The following TNFRSF21 variants were observed in gnomAD, a reference collection of about 807,000 sequenced individuals.
TNFRSF21 encodes the protein TNF receptor superfamily member 21, also known as tumor necrosis factor receptor superfamily member 21.
A neutral mutation model predicts 45.6 loss-of-function variants in TNFRSF21; 19 were observed. The ratio of observed to expected loss-of-function variants is 0.42; its 90% confidence interval spans 0.29 to 0.61. The LOEUF (loss-of-function observed/expected upper bound fraction) is 0.61. Among genes scored for constraint, TNFRSF21 ranks in the 20% least tolerant of loss-of-function variants. TNFRSF21 has a pLI of 0.23. For synonymous variants in TNFRSF21, 314 were observed against 335.5 expected (o/e 0.94, Z 0.70); for missense variants, 737 against 851.5 (o/e 0.87, Z 1.67).
At chr6:47,273,487 A>ATAAGTGTATTATTTTGTATCTCAAAT (rs1762456255) in intron 3 of TNFRSF21, among the ~76,000 whole-genome samples, 2 of 152,164 alleles carry the variant, frequency 1.3e-5, no homozygotes, top group African/African-American at 4.8e-5. Flanking sequence ...AATCTCAATA[A>ATAAGTGTATTATTTTGTATCTCAAAT]ACTAGGTATT....
intron 3 of TNFRSF21, among the ~76,000 whole-genome samples, chr6:47,276,099 T>C (rs1460281915): frequency 6.6e-6 from 1 of 152,200 alleles, no homozygotes; most frequent in Non-Finnish European, 1.5e-5. Context: ...CCTGAGATCA[T>C]CCAGCCTTTT....
chr6:47,234,770 G>C lies in TNFRSF21; in HGVS notation c.1638C>G (p.Asn546Lys), dbSNP rs1554148878. The change falls in exon 5 of 6, where the codon AAC becomes AAG. Residue 546 changes from asparagine to lysine, a missense_variant. By Grantham distance (94) the Asn-to-Lys change is moderately conservative. Transcript: ENST00000296861. ...CCGACTCATCCACGAAGAAGCCCTT[G>C]TTCTTGTCCTGTGGGGAAGGCTCCA... ...LTVEPSPQDK[N>K]KGFFVDESEP... 6.2e-7 allele frequency: 1 copy of C among 1,605,422 alleles called. No individual in the cohort carries two copies. The highest frequency in any genetic ancestry group is 2.3e-5 in the East Asian group (1 of 44,418).
intron 3 of TNFRSF21, among the ~76,000 whole-genome samples, chr6:47,267,395 T>C (rs1325289820): frequency 6.6e-6 from 1 of 152,168 alleles, no homozygotes; most frequent in East Asian, 1.9e-4. Context: ...TCACCGCACC[T>C]GGCCTCACAC....
At chr6:47,246,991 TCAC>T (rs932079452) in intron 4 of TNFRSF21, among the ~76,000 whole-genome samples, 5 of 152,224 alleles carry the variant, frequency 3.3e-5, no homozygotes, top group African/African-American at 1.2e-4. Context: ...CGTGTCTCCA[TCAC>T]CACAAGTGAG....
intron 3 of TNFRSF21, among the ~76,000 whole-genome samples, chr6:47,276,228 A>T (rs563391639): frequency 6.5e-4 from 99 of 152,270 alleles, no homozygotes; most frequent in African/African-American, 2.3e-3. Flanking sequence ...TGTGAGGTGG[A>T]CCCATACATA....
chr6:47,262,902 C>A (rs946887526), intron 3 of TNFRSF21, among the ~76,000 whole-genome samples: 5 of 152,100 alleles, frequency 3.3e-5, no homozygotes, highest in African/African-American at 1.2e-4. Context: ...TCACGGGAGA[C>A]CTTGGGGAGA....
chr6:47,257,184 G>A (rs763926366), intron 3 of TNFRSF21, among the ~76,000 whole-genome samples: 2 of 151,008 alleles, frequency 1.3e-5, no homozygotes, highest in Non-Finnish European at 2.9e-5. Flanking sequence ...CCAAAACCCA[G>A]TACTGTATTT....
intron 3 of TNFRSF21, among the ~76,000 whole-genome samples, chr6:47,263,417 G>A (rs528291239): frequency 1.3e-5 from 2 of 152,260 alleles, no homozygotes; most frequent in South Asian, 2.1e-4. Flanking sequence ...ATTTAAAGTC[G>A]TGGGTCACCA....
intron 1 of TNFRSF21, among the ~76,000 whole-genome samples, chr6:47,306,280 T>G (rs1333439084): frequency 6.6e-6 from 1 of 152,276 alleles, no homozygotes; most frequent in African/African-American, 2.4e-5. Context: ...ATTCACGTTC[T>G]GTAACAAACC....
intron 4 of TNFRSF21, among the ~76,000 whole-genome samples, chr6:47,238,138 T>C (rs1764688156): frequency 6.6e-6 from 1 of 152,230 alleles, no homozygotes; most frequent in Admixed American, 6.5e-5. Flanking sequence ...TACCGATAAG[T>C]ATATTTTCCT....
Position 47,304,463 on chromosome 6 carries a change from C to T in TNFRSF21, c.96+4953G>A, listed in dbSNP as rs185680808. On this transcript the variant is annotated intron_variant, in intron 1 of 5. Coordinates refer to ENST00000296861, the MANE Select transcript of TNFRSF21 (RefSeq NM_014452.5). ...GCAAAGTTAAAGTGTGATGTCTCCACATTCTGGTCTACAATGAAGAAAGGA... is the reference window on the plus strand; with the variant it reads ...GCAAAGTTAAAGTGTGATGTCTCCATATTCTGGTCTACAATGAAGAAAGGA... Among the ~76,000 whole-genome samples the T allele has an allele frequency of 9.9e-5, 15 of 152,284 alleles. No homozygotes were observed. In the East Asian group the frequency reaches 2.7e-3, roughly 27 times the overall value.
intron 3 of TNFRSF21, among the ~76,000 whole-genome samples, chr6:47,257,590 AAAAGC>A (rs1765006425): frequency 6.6e-6 from 1 of 152,246 alleles, no homozygotes; most frequent in South Asian, 2.1e-4. Flanking sequence ...AACTACAGAG[AAAAGC>A]AGGAGGACGA....
chr6:47,238,452 G>A (rs1300251743), intron 4 of TNFRSF21, among the ~76,000 whole-genome samples: 1 of 152,234 alleles, frequency 6.6e-6, no homozygotes, highest in African/African-American at 2.4e-5. Flanking sequence ...TGTGAGAAAT[G>A]AGGTGGGGAC....
chr6:47,289,869 C>T (rs1762698056), intron 1 of TNFRSF21, among the ~76,000 whole-genome samples: 2 of 152,116 alleles, frequency 1.3e-5, no homozygotes, highest in Non-Finnish European at 2.9e-5. Context: ...TGGAGCATGC[C>T]TGTAATCCCA....
chr6:47,240,571 T>G (rs1023823563), intron 4 of TNFRSF21, among the ~76,000 whole-genome samples: 2 of 152,238 alleles, frequency 1.3e-5, no homozygotes, highest in African/African-American at 2.4e-5. Flanking sequence ...TTACCCTCTT[T>G]GCTGCCATGT....
intron 3 of TNFRSF21, among the ~76,000 whole-genome samples, chr6:47,283,009 C>T (rs116512558): frequency 0.017 from 2,595 of 152,224 alleles, 33 homozygotes; most frequent in Non-Finnish European, 0.028. Context: ...GGAATTGCCA[C>T]GCCAAATGGT....
chr6:47,233,104 C>T (rs1178530874), intron 5 of TNFRSF21, 110 bp from the exon 6 acceptor site: 1 of 894,990 alleles, frequency 1.1e-6, no homozygotes, highest in African/African-American at 1.7e-5. Context: ...CCCCCCCAGC[C>T]TATTATTCTC....
intron 3 of TNFRSF21, among the ~76,000 whole-genome samples, chr6:47,257,095 A>G (rs927758612): frequency 3.9e-5 from 6 of 152,330 alleles, no homozygotes; most frequent in South Asian, 4.1e-4. Flanking sequence ...TTAAGGCTCA[A>G]TGCATTTCAG....
chr6:47,253,906 C>T (rs1395647006), intron 3 of TNFRSF21, among the ~76,000 whole-genome samples: 1 of 152,184 alleles, frequency 6.6e-6, no homozygotes, highest in Non-Finnish European at 1.5e-5. Context: ...GCCTTGAAGC[C>T]ATGGATGGTA....
Sources: gnomAD v4.1 joint callset for allele counts (sites outside exome capture counted in the v4.1 genomes callset) on GRCh38, gnomAD v4.1.1 for gene constraint, MANE v1.5 for transcripts, NCBI Gene and HGNC (gene_info 2026-07-23, HGNC 2026-07-21) for gene names.